Variants in EPHA3 observed in about 807,000 individuals in gnomAD.
EPHA3 encodes the protein EPH receptor A3, also known as ephrin type-A receptor 3.
Under a neutral mutation model 107.1 loss-of-function variants are expected in EPHA3, and 42 were observed. The ratio of observed to expected loss-of-function variants is 0.39; its 90% CI spans 0.31 to 0.51. The LOEUF is 0.51. Among genes scored for constraint, EPHA3 ranks in the 20% least tolerant of loss-of-function variants. EPHA3 has a pLI of 0.78. For missense variants in EPHA3, 1,183 were observed against 1,211.2 expected (o/e 0.98, Z 0.35); for synonymous variants, 461 against 424.8 (o/e 1.09, Z -1.05).
chr3:89,113,863 C>T (rs187324233), intron 1 of EPHA3, among the ~76,000 whole-genome samples: 40 of 152,216 alleles, frequency 2.6e-4, no homozygotes, highest in African/African-American at 8.4e-4. Flanking sequence ...ATGCTTCCCC[C>T]TTTGAATGTC....
chr3:89,107,628 A>G lies in EPHA3; in HGVS notation c.-121A>G. Reference sequence around the variant, plus strand: ...AGACTCCTCCTTATCTCCAGTGTCAAACTTGACATCAGCCTGCGAGCGGAG... The same window carrying G: ...AGACTCCTCCTTATCTCCAGTGTCAGACTTGACATCAGCCTGCGAGCGGAG... On this transcript the variant is annotated 5_prime_UTR_variant, in exon 1 of 17. Transcript: ENST00000336596. 2.1e-6 allele frequency: 2 copies of G among 950,930 alleles called. No homozygotes were observed. The highest frequency in any genetic ancestry group is 1.6e-6 in the Non-Finnish European group (1 of 609,362). The allele number at this position is 950,930 out of a possible 1,614,324, so 58.9% of individuals were successfully genotyped here.
At chr3:89,359,766 TAC>T (rs565012832) in intron 5 of EPHA3, among the ~76,000 whole-genome samples, 2 of 79,802 alleles carry the variant, frequency 2.5e-5, no homozygotes, top group Non-Finnish European at 5.5e-5. Flanking sequence ...TACACATATA[TAC>T]ACACATATAT....
intron 15 of EPHA3, among the ~76,000 whole-genome samples, chr3:89,456,570 G>A (rs1710101291): frequency 6.6e-6 from 1 of 152,056 alleles, no homozygotes; most frequent in Admixed American, 6.5e-5. Context: ...TAGAGTTGAT[G>A]ATTTATAGCA....
intron 2 of EPHA3, among the ~76,000 whole-genome samples, chr3:89,197,250 A>T (rs777237117): frequency 6.6e-6 from 1 of 152,200 alleles, no homozygotes; most frequent in Non-Finnish European, 1.5e-5. Context: ...GGCTTCATAA[A>T]CATTTGTTTT....
intron 3 of EPHA3, among the ~76,000 whole-genome samples, chr3:89,326,124 A>G (rs977081807): frequency 3.3e-5 from 5 of 151,566 alleles, no homozygotes; most frequent in Admixed American, 6.6e-5. Flanking sequence ...TGTTATGTAC[A>G]TATTACATAT....
intron 2 of EPHA3, among the ~76,000 whole-genome samples, chr3:89,171,605 A>T (rs1278409827): frequency 6.6e-6 from 1 of 152,228 alleles, no homozygotes; most frequent in Non-Finnish European, 1.5e-5. Context: ...TCTATAACTT[A>T]TTCAGGATTG....
At chr3:89,411,821 T>C (rs903686844) in intron 9 of EPHA3, among the ~76,000 whole-genome samples, 8 of 151,856 alleles carry the variant, frequency 5.3e-5, no homozygotes, top group African/African-American at 1.9e-4. Flanking sequence ...CAAAACTAAC[T>C]CAAAGAAACG....
At position 89,419,326 on chromosome 3, in the gene EPHA3, A is replaced by T; in HGVS notation, c.2010A>T (p.Glu670Asp). 3.7e-6 allele frequency: 6 copies of T among 1,610,448 alleles called. No homozygotes were observed. Among genetic ancestry groups the T allele is most frequent in the Non-Finnish European group, 4.2e-6 (5 of 1,177,694 alleles). The change falls in exon 11 of 17, where the codon GAA (glutamate) becomes GAT (aspartate). Residue 670 changes from glutamate to aspartate, a missense_variant. Physicochemically the swap from Glu to Asp is conservative, Grantham distance 45. Transcript: ENST00000336596. ...TEKQRRDFLGEASIMGQFDHP... is the reference protein window; with the variant it reads ...TEKQRRDFLGDASIMGQFDHP... Reference sequence around the variant, plus strand: ...AGCAGAGGAGAGACTTCCTGGGAGAAGCAAGCATTATGGGACAGTTTGACC... The same window carrying T: ...AGCAGAGGAGAGACTTCCTGGGAGATGCAAGCATTATGGGACAGTTTGACC...
rs1224185049 is a variant in EPHA3, at chr3:89,231,223, A to G, written c.814+20703A>G. Among the ~76,000 whole-genome samples the G allele has an allele frequency of 1.3e-5, 2 of 152,172 alleles. 1 individual carries two copies. The highest frequency in any genetic ancestry group is 3.9e-4 in the East Asian group (2 of 5,186). ...CCTGCCATTTCTCTTAATATATGAC[A>G]TTAGTAAGTTATTTATTATACAAAA... On this transcript the variant is annotated intron_variant, in intron 3 of 16. Coordinates refer to ENST00000336596, the MANE Select transcript of EPHA3 (RefSeq NM_005233.6).
chr3:89,436,556 A>G (rs1436270848), intron 13 of EPHA3, among the ~76,000 whole-genome samples: 2 of 152,230 alleles, frequency 1.3e-5, no homozygotes, highest in African/African-American at 4.8e-5. Context: ...TGTCAGTGGA[A>G]AAGAATACTG....
chr3:89,123,297 C>T (rs1169736681), intron 1 of EPHA3, among the ~76,000 whole-genome samples: 2 of 152,284 alleles, frequency 1.3e-5, no homozygotes, highest in African/African-American at 4.8e-5. Context: ...GTGTGTGCTG[C>T]CATGCCAGCT....
intron 15 of EPHA3, among the ~76,000 whole-genome samples, chr3:89,454,759 G>T (rs1339393057): frequency 6.6e-6 from 1 of 152,122 alleles, no homozygotes; most frequent in Non-Finnish European, 1.5e-5. Flanking sequence ...CAGGAGACTG[G>T]GGCTGGAGGA....
intron 5 of EPHA3, among the ~76,000 whole-genome samples, chr3:89,351,569 C>T (rs1371648835): frequency 9.3e-5 from 14 of 150,920 alleles, no homozygotes. Context: ...GCAGAAATCA[C>T]CCGTCTTCTG....
At chr3:89,170,251 G>T (rs7612982) in intron 2 of EPHA3, among the ~76,000 whole-genome samples, 33,489 of 145,860 alleles carry the variant, frequency 0.23, 3,919 homozygotes, top group Middle Eastern at 0.33. Context: ...GAGAGACTCC[G>T]TATCAGAAAA....
chr3:89,343,909 T>C (rs1354026884), intron 5 of EPHA3, among the ~76,000 whole-genome samples: 6 of 152,194 alleles, frequency 3.9e-5, no homozygotes, highest in Non-Finnish European at 5.9e-5. Context: ...ATTTAAAAGT[T>C]TATAACTTAG....
At chr3:89,438,946 A>T (rs1479268492) in intron 13 of EPHA3, among the ~76,000 whole-genome samples, 1 of 152,200 alleles carries the variant, frequency 6.6e-6, no homozygotes, top group East Asian at 1.9e-4. Flanking sequence ...AACATGTAAA[A>T]AACAACTATC....
chr3:89,306,314 C>T lies in EPHA3; in HGVS notation c.815-34602C>T, dbSNP rs573774490. 2.4e-4 allele frequency among the ~76,000 whole-genome samples: 36 copies of T among 152,162 alleles called. No individual in the cohort carries two copies. The South Asian group carries it at 4.1e-3, about 18-fold the overall frequency. ...TTGAAGCCCATGTTCTTAATTACTA[C>T]GCCCATTTTTATTTCATCTTAGAGC... On this transcript the variant is annotated intron_variant, in intron 3 of 16. Transcript: ENST00000336596.
At chr3:89,369,830 T>C (rs1343582047) in intron 5 of EPHA3, among the ~76,000 whole-genome samples, 1 of 149,530 alleles carries the variant, frequency 6.7e-6, no homozygotes, top group Non-Finnish European at 1.5e-5. Flanking sequence ...AACAACCCCA[T>C]CAAAAAGTGG....
At chr3:89,185,195 G>A (rs1437997595) in intron 2 of EPHA3, among the ~76,000 whole-genome samples, 2 of 151,816 alleles carry the variant, frequency 1.3e-5, no homozygotes, top group East Asian at 1.9e-4. Flanking sequence ...TTGTAACAAC[G>A]TCCAGCAAAG....
Sources: allele counts gnomAD v4.1 joint callset (sites outside exome capture counted in the v4.1 genomes callset), GRCh38; gene constraint gnomAD v4.1.1; transcripts MANE v1.5; gene names NCBI Gene and HGNC (gene_info 2026-07-23, HGNC 2026-07-21).